Variants in COL6A6 observed in about 807,000 individuals in gnomAD.
COL6A6 encodes the protein collagen type VI alpha 6 chain.
COL6A6 carries 183 observed loss-of-function variants against 208.6 expected under a neutral mutation model. The observed-to-expected ratio is 0.88, with a 90% CI of 0.78 to 0.99. The LOEUF (loss-of-function observed/expected upper bound fraction) is 0.99. COL6A6 is among the 50% of genes least tolerant of loss of function. The pLI is 0.00. For missense variants in COL6A6, 2,816 were observed against 2,815.2 expected, an observed-to-expected ratio of 1.00 and a Z score of -0.01; for synonymous variants, 973 against 1,011.8, an observed-to-expected ratio of 0.96 and a Z score of 0.73.
At chr3:130,604,494 C>CA (rs559789872) in intron 20 of COL6A6, among the ~76,000 whole-genome samples, 20,571 of 83,624 alleles carry the variant, frequency 0.25, 1,639 homozygotes, top group Non-Finnish European at 0.25. Flanking sequence ...GACTCCGTCT[C>CA]AAAAAAAAAA....
rs2062998207 is a variant in COL6A6 at position 130,565,544 on chromosome 3, G to T, written c.1212G>T (p.Leu404=). The T allele has an allele frequency of 6.2e-7, 1 of 1,613,732 alleles. No individual in the cohort carries two copies. The highest frequency in any genetic ancestry group is 1.7e-5 in the Admixed American group (1 of 59,986). The change falls in exon 4 of 37, where the codon CTG becomes CTT. Residue 404 remains leucine, a synonymous_variant. Transcript: ENST00000358511. ...ADLAAHNQTF[L]KKLRNQITHT... ...TGGCTGCTCACAACCAGACATTTCT[G>T]AAGAAGCTGCGGAACCAAATAACAC... is the stretch of plus-strand genomic sequence containing the variant.
At chr3:130,635,079 A>G (rs2108322763) in intron 27 of COL6A6, among the ~76,000 whole-genome samples, 1 of 152,268 alleles carries the variant, frequency 6.6e-6, no homozygotes, top group South Asian at 2.1e-4. Context: ...TACGAAAAAT[A>G]CAAAAATTAG....
intron 1 of COL6A6, among the ~76,000 whole-genome samples, chr3:130,539,407 C>A (rs1004287238): frequency 6.6e-6 from 1 of 152,040 alleles, no homozygotes; most frequent in Non-Finnish European, 1.5e-5. Flanking sequence ...AGGCCGAGGC[C>A]GGTGGATCAA....
intron 12 of COL6A6, among the ~76,000 whole-genome samples, chr3:130,590,363 C>T (rs1215707075): frequency 1.9e-4 from 21 of 112,394 alleles, no homozygotes; most frequent in Admixed American, 1.1e-3. Flanking sequence ...GCACAACGTG[C>T]AGGTCTTTTA....
chr3:130,672,946 G>A (rs1351527854), intron 36 of COL6A6, among the ~76,000 whole-genome samples: 1 of 150,652 alleles, frequency 6.6e-6, no homozygotes, highest in African/African-American at 2.4e-5. Flanking sequence ...GGGGGGCAAA[G>A]GTTGCAGTAA....
In COL6A6 at chr3:130,675,919, G is replaced by C. The variant is rs1025404028; in HGVS notation, c.*522G>C. On this transcript the variant is annotated 3_prime_UTR_variant, in exon 37 of 37. Transcript: ENST00000358511. Reference sequence around the variant, plus strand: ...TATTCCACTTAAACACACCACTGTGGGAGTTGTTTGCTTGGACTGATGAGA... The same window carrying C: ...TATTCCACTTAAACACACCACTGTGCGAGTTGTTTGCTTGGACTGATGAGA... The C allele has an allele frequency of 6.6e-6, 1 of 152,092 alleles. No individual in the cohort carries two copies. 9.4% of individuals were successfully genotyped at this position (152,092 alleles called of 1,614,324 possible).
At chr3:130,626,425 A>G in intron 24 of COL6A6, 60 bp from the exon 25 acceptor site, 1 of 1,160,898 alleles carries the variant, frequency 8.6e-7, no homozygotes, top group Non-Finnish European at 1.3e-6. Flanking sequence ...CACACAGATG[A>G]GCTGAATTAG....
intron 31 of COL6A6, among the ~76,000 whole-genome samples, chr3:130,643,292 A>G (rs2065371810): frequency 6.6e-6 from 1 of 152,200 alleles, no homozygotes; most frequent in Admixed American, 6.5e-5. Flanking sequence ...GAATTCACCT[A>G]ATAGTGAAAT....
chr3:130,594,393 C>T (rs551626029), intron 18 of COL6A6, 50 bp downstream of exon 18: 2 of 1,406,602 alleles, frequency 1.4e-6, no homozygotes, highest in South Asian at 2.4e-5. Context: ...CCCATCCGTA[C>T]TTCTGATAGG....
rs2063158261 is a variant in COL6A6, at chr3:130,571,246, C to T, written c.2830C>T (p.Leu944=). The T allele has an allele frequency of 6.2e-7, 1 of 1,614,036 alleles. No homozygotes were observed. The highest frequency in any genetic ancestry group is 8.5e-7 in the Non-Finnish European group (1 of 1,179,872). ...KALRDKGILV[L]AVGIDGANPV... The stretch of plus-strand genomic sequence containing the variant: ...CTTGCGGGACAAAGGCATTCTTGTC[C>T]TGGCTGTGGGGATTGATGGTGCCAA... The change falls in exon 7 of 37, where the codon CTG becomes TTG. Residue 944 remains leucine (L), a synonymous_variant. Transcript: ENST00000358511.
chr3:130,674,445 C>T (rs2066309789), intron 36 of COL6A6, among the ~76,000 whole-genome samples: 1 of 152,166 alleles, frequency 6.6e-6, no homozygotes, highest in African/African-American at 2.4e-5. Context: ...CTGACTCCAG[C>T]TCCTCTTTAC....
intron 1 of COL6A6, among the ~76,000 whole-genome samples, chr3:130,533,143 TCAGTGGCAG>T (rs1184579257): frequency 2.0e-5 from 3 of 151,970 alleles, no homozygotes; most frequent in Non-Finnish European, 4.4e-5. Flanking sequence ...ACTTTTCTTC[TCAGTGGCAG>T]CAGTGGCAAA....
chr3:130,665,207 A>C, intron 36 of COL6A6, 111 bp downstream of exon 36: 2 of 637,170 alleles, frequency 3.1e-6, no homozygotes, highest in Non-Finnish European at 5.4e-6. Context: ...TTTGGACAAA[A>C]ATCTATTGCT....
chr3:130,657,624 C>T (rs149003726), intron 33 of COL6A6, among the ~76,000 whole-genome samples: 4 of 152,300 alleles, frequency 2.6e-5, no homozygotes, highest in African/African-American at 7.2e-5. Flanking sequence ...TCAGTTAGTA[C>T]GTACTAAGTT....
Position 130,661,977 on chromosome 3 carries a change from A to T in COL6A6, c.6171A>T (p.Gly2057=). ...ACGAGTCAGTTAAACAACTAAATGGAGATGCTTTTATTGGTCATGCCTTAC... is the reference window on the plus strand; with the variant it reads ...ACGAGTCAGTTAAACAACTAAATGGTGATGCTTTTATTGGTCATGCCTTAC... ...HVHESVKQLN[G]DAFIGHALQW... Residue 2057 remains glycine (G), a synonymous_variant, in exon 35 of 37, where the codon GGA becomes GGT. Coordinates refer to ENST00000358511, the MANE Select transcript of COL6A6 (RefSeq NM_001102608.3). The T allele has an allele frequency of 6.2e-7, 1 of 1,613,952 alleles. No individual in the cohort carries two copies. Among genetic ancestry groups the T allele is most frequent in the Non-Finnish European group, 8.5e-7 (1 of 1,179,880 alleles).
chr3:130,565,651 C>T (rs1392243302), intron 4 of COL6A6, 37 bp downstream of exon 4: 4 of 1,553,430 alleles, frequency 2.6e-6, no homozygotes, highest in South Asian at 1.2e-5. Context: ...TGTTTGGATT[C>T]TTTTTTTCTT....
intron 20 of COL6A6, among the ~76,000 whole-genome samples, chr3:130,601,952 A>T (rs1217461965): frequency 1.3e-5 from 2 of 152,222 alleles, no homozygotes; most frequent in African/African-American, 4.8e-5. Context: ...TAACTGCCAT[A>T]GTCCTGAAAA....
rs2064270833 is a variant in COL6A6, at chr3:130,608,958, C to T, written c.4746C>T (p.Gly1582=). 1.2e-6 allele frequency: 2 copies of T among 1,611,352 alleles called. No individual in the cohort carries two copies. Among genetic ancestry groups the T allele is most frequent in the Admixed American group, 1.7e-5 (1 of 59,836 alleles). The change falls in exon 22 of 37, where the codon GGC becomes GGT. Residue 1582 remains glycine, a synonymous_variant. Coordinates refer to ENST00000358511, the MANE Select transcript of COL6A6 (RefSeq NM_001102608.3). ...DGLEGSLGLK[G]PQGPRGEAGV... is the part of the protein sequence containing the mutation. The stretch of plus-strand genomic sequence containing the variant: ...TTGAAGGCTCCCTGGGACTTAAGGG[C>T]CCTCAGGTACATATCAAGACCAATC...
Position 130,676,581 on chromosome 3 carries a change from C to T in COL6A6, c.*1184C>T, listed in dbSNP as rs561896912. The T allele has an allele frequency of 2.6e-5, 4 of 152,336 alleles. No individual in the cohort carries two copies. The highest frequency in any genetic ancestry group is 2.1e-4 in the South Asian group (1 of 4,820). The allele number at this position is 152,336 out of a possible 1,614,324, so 9.4% of individuals were successfully genotyped here. ...CCCCCTCTTTGGGAATGGAAAGAAG[C>T]CCTGCCTGGATGCATGGAGCAGATG... On this transcript the variant is annotated 3_prime_UTR_variant, in exon 37 of 37. Transcript: ENST00000358511.
Sources: gnomAD v4.1 joint callset for allele counts (sites outside exome capture counted in the v4.1 genomes callset) on GRCh38, gnomAD v4.1.1 for gene constraint, MANE v1.5 for transcripts, NCBI Gene and HGNC (gene_info 2026-07-23, HGNC 2026-07-21) for gene names.